The following LRRTM4 variants were observed in gnomAD, a reference collection of about 807,000 sequenced individuals.
The protein encoded by LRRTM4 is leucine rich repeat transmembrane neuronal 4.
Under a neutral mutation model 47.6 loss-of-function variants are expected in LRRTM4, and 25 were observed. The observed-to-expected ratio is 0.53, with a 90% CI of 0.38 to 0.73. The LOEUF (loss-of-function observed/expected upper bound fraction) is 0.73. Ranked by LOEUF, LRRTM4 falls within the 30% of genes least tolerant of loss-of-function variation. The pLI, the probability that LRRTM4 is intolerant of heterozygous loss-of-function variation, is 0.00. For synonymous variants in LRRTM4, 311 were observed against 269.5 expected (o/e 1.15, Z -1.51); for missense variants, 638 against 713.4 (o/e 0.89, Z 1.20).
intron 3 of LRRTM4, among the ~76,000 whole-genome samples, chr2:77,448,039 G>GAC (rs1411472698): frequency 6.6e-6 from 1 of 152,120 alleles, no homozygotes; most frequent in African/African-American, 2.4e-5. Flanking sequence ...GGACAAAAAA[G>GAC]AGAAAGGTGC....
rs574997749 is a variant in LRRTM4, at chr2:76,843,939, A to T, written c.1552-95023T>A. 4.1e-4 allele frequency among the ~76,000 whole-genome samples: 58 copies of T among 140,540 alleles called. 1 individual carries two copies. Among genetic ancestry groups the T allele is most frequent in the African/African-American group, 1.2e-3 (47 of 37,658 alleles). The allele number at this position is 140,540 out of a possible 152,430, so 92.2% of individuals were successfully genotyped here. ...TTTTTTTTTTTTGAGATGGAGTCTCATGCCCAGACTGGAGTGCAGTGGCGT... is the reference window on the plus strand; with the variant it reads ...TTTTTTTTTTTTGAGATGGAGTCTCTTGCCCAGACTGGAGTGCAGTGGCGT... On this transcript the variant is annotated intron_variant, in intron 3 of 3. Transcript: ENST00000409884.
intron 3 of LRRTM4, among the ~76,000 whole-genome samples, chr2:76,778,566 C>G (rs1056440412): frequency 5.9e-5 from 9 of 151,862 alleles, no homozygotes; most frequent in Non-Finnish European, 1.2e-4. Flanking sequence ...TTGTAGTATT[C>G]TCTGATGGTA....
At chr2:77,511,324 CAT>C (rs1678980206) in intron 3 of LRRTM4, among the ~76,000 whole-genome samples, 2 of 151,948 alleles carry the variant, frequency 1.3e-5, no homozygotes, top group African/African-American at 4.8e-5. Context: ...ATTCAGTATA[CAT>C]GTTAGTATTT....
intron 3 of LRRTM4, among the ~76,000 whole-genome samples, chr2:77,109,648 C>T (rs1671193114): frequency 6.6e-6 from 1 of 151,696 alleles, no homozygotes; most frequent in Admixed American, 6.6e-5. Context: ...AATATCAAAG[C>T]ACATGAGAAA....
rs575868962 is a variant in LRRTM4, at chr2:77,255,670, A to G, written c.1551+262648T>C. Among the ~76,000 whole-genome samples the G allele has an allele frequency of 5.3e-5, 8 of 152,172 alleles. No homozygotes were observed. In the South Asian group the frequency reaches 1.2e-3, roughly 24 times the overall value. On this transcript the variant is annotated intron_variant, in intron 3 of 3. Transcript: ENST00000409884. ...ATTAAATCACACTTCTAAATAATCC[A>G]TGTGTCGAATAGAATATCCCAAGGG...
intron 3 of LRRTM4, among the ~76,000 whole-genome samples, chr2:76,801,229 G>T (rs1400195626): frequency 2.0e-5 from 3 of 152,064 alleles, no homozygotes; most frequent in Non-Finnish European, 4.4e-5. Context: ...GTTTATTGCA[G>T]CATTATTCAC....
intron 3 of LRRTM4, among the ~76,000 whole-genome samples, chr2:77,026,455 A>C (rs1678457396): frequency 6.6e-6 from 1 of 152,140 alleles, no homozygotes; most frequent in Non-Finnish European, 1.5e-5. Flanking sequence ...GTTGTCTCAT[A>C]TATGCACTAA....
At chr2:76,921,325 C>T (rs11902057) in intron 3 of LRRTM4, among the ~76,000 whole-genome samples, 2,207 of 152,040 alleles carry the variant, frequency 0.015, 70 homozygotes, top group African/African-American at 0.051. Flanking sequence ...ACCAGAAGTT[C>T]CCTTCTCAGC....
chr2:77,358,659 A>C (rs892001691), intron 3 of LRRTM4, among the ~76,000 whole-genome samples: 1 of 152,258 alleles, frequency 6.6e-6, no homozygotes, highest in Non-Finnish European at 1.5e-5. Flanking sequence ...CTGAATGTAC[A>C]ATAACAAATT....
intron 3 of LRRTM4, among the ~76,000 whole-genome samples, chr2:76,959,844 G>T (rs1287139700): frequency 1.3e-5 from 2 of 151,560 alleles, no homozygotes; most frequent in Admixed American, 1.3e-4. Context: ...TAAAATTCCA[G>T]TGCATTATGA....
intron 3 of LRRTM4, among the ~76,000 whole-genome samples, chr2:77,288,958 C>G (rs1676743026): frequency 6.6e-6 from 1 of 152,036 alleles, no homozygotes; most frequent in Non-Finnish European, 1.5e-5. Context: ...TAATGCACCT[C>G]TCACCTACAT....
At chr2:76,898,010 C>G (rs958296811) in intron 3 of LRRTM4, among the ~76,000 whole-genome samples, 5 of 152,124 alleles carry the variant, frequency 3.3e-5, no homozygotes, top group Admixed American at 3.3e-4. Context: ...GCAGTCCTAA[C>G]AGGATGGCCC....
intron 3 of LRRTM4, among the ~76,000 whole-genome samples, chr2:77,249,921 T>C (rs962674675): frequency 2.0e-5 from 3 of 152,184 alleles, no homozygotes; most frequent in African/African-American, 4.8e-5. Context: ...GCAACTAAGA[T>C]ACCCATCAGT....
intron 3 of LRRTM4, among the ~76,000 whole-genome samples, chr2:76,751,791 G>A (rs569232165): frequency 1.3e-5 from 2 of 152,218 alleles, no homozygotes; most frequent in Non-Finnish European, 2.9e-5. Context: ...GCATCGAAAT[G>A]TAAGAAGACA....
At chr2:76,869,140 C>A (rs1349636561) in intron 3 of LRRTM4, among the ~76,000 whole-genome samples, 2 of 152,024 alleles carry the variant, frequency 1.3e-5, no homozygotes, top group Non-Finnish European at 2.9e-5. Context: ...GAAACCCCGT[C>A]TCTACTAAAA....
intron 3 of LRRTM4, among the ~76,000 whole-genome samples, chr2:76,783,626 AAAC>A (rs1290309599): frequency 1.3e-5 from 2 of 152,310 alleles, no homozygotes; most frequent in African/African-American, 4.8e-5. Context: ...CTCTGAAACT[AAAC>A]AAGGAAATTA....
intron 3 of LRRTM4, among the ~76,000 whole-genome samples, chr2:76,802,648 C>A (rs1051918065): frequency 6.6e-6 from 1 of 151,974 alleles, no homozygotes; most frequent in Non-Finnish European, 1.5e-5. Context: ...TCCCAAAGAT[C>A]CAAAATATCT....
chr2:77,458,471 C>T (rs1336633760), intron 3 of LRRTM4, among the ~76,000 whole-genome samples: 1 of 152,036 alleles, frequency 6.6e-6, no homozygotes, highest in Admixed American at 6.6e-5. Flanking sequence ...GCCATACTTG[C>T]CAATGGAACC....
At chr2:76,994,369 T>C (rs1218112219) in intron 3 of LRRTM4, among the ~76,000 whole-genome samples, 1 of 151,940 alleles carries the variant, frequency 6.6e-6, no homozygotes, top group Non-Finnish European at 1.5e-5. Flanking sequence ...TGTGTTTCTA[T>C]CCTGCAACAT....
Sources: gnomAD v4.1 joint callset for allele counts (sites outside exome capture counted in the v4.1 genomes callset) on GRCh38, gnomAD v4.1.1 for gene constraint, MANE v1.5 for transcripts, NCBI Gene and HGNC (gene_info 2026-07-23, HGNC 2026-07-21) for gene names.